LCOR: variants seen among roughly 807,000 people sequenced by gnomAD.
LCOR encodes ligand dependent nuclear receptor corepressor.
Under a neutral mutation model 64.4 loss-of-function variants are expected in LCOR, and 14 were observed. That is an observed-to-expected ratio of 0.22 (90% CI 0.14 to 0.34). LCOR has a LOEUF of 0.34. LCOR is among the 10% of genes least tolerant of loss of function. The pLI, the probability that LCOR is intolerant of heterozygous loss-of-function variation, is 1.00. For synonymous variants in LCOR, 643 were observed against 642.5 expected, an observed-to-expected ratio of 1.00 and a Z score of -0.01; for missense variants, 1,686 against 1,765.3, an observed-to-expected ratio of 0.96 and a Z score of 0.80.
At chr10:96,971,795 G>A (rs1230625914) in intron 7 of LCOR, among the ~76,000 whole-genome samples, 1 of 152,196 alleles carries the variant, frequency 6.6e-6, no homozygotes, top group Non-Finnish European at 1.5e-5. Flanking sequence ...ACTGGATGGT[G>A]TATTGGAGGC....
intron 6 of LCOR, among the ~76,000 whole-genome samples, chr10:96,949,503 T>G (rs144102057): frequency 9.4e-4 from 143 of 152,352 alleles, no homozygotes; most frequent in African/African-American, 3.1e-3. Flanking sequence ...TCATGATTGA[T>G]GTACCACTCA....
At chr10:96,929,448 T>C (rs1847220076) in intron 4 of LCOR, among the ~76,000 whole-genome samples, 1 of 152,242 alleles carries the variant, frequency 6.6e-6, no homozygotes, top group Non-Finnish European at 1.5e-5. Context: ...GCTTTTCTTC[T>C]GCAGCTTCCT....
chr10:96,833,964 T>TA (rs1845395627), intron 2 of LCOR, among the ~76,000 whole-genome samples: 1 of 152,214 alleles, frequency 6.6e-6, no homozygotes. Context: ...AGCACTTGGT[T>TA]AGCTCAGTGT....
At position 96,916,274 on chromosome 10, in the gene LCOR, G is replaced by T. The variant is rs549838355; in HGVS notation, c.-184+8527G>T. Among the ~76,000 whole-genome samples, 3 of 151,986 alleles carry T rather than the reference G, an allele frequency of 2.0e-5. No individual in the cohort carries two copies. The South Asian group carries it at 6.2e-4, about 32-fold the overall frequency. ...TCTCAGTCTCCTGACCTCGTGATCC[G>T]CCCACCTCGGCCTCCCAAAGTGCTG... On this transcript the variant is annotated intron_variant, in intron 4 of 7. Transcript: ENST00000421806.
At chr10:96,966,182 C>A (rs1304375725) in intron 7 of LCOR, among the ~76,000 whole-genome samples, 1 of 132,724 alleles carries the variant, frequency 7.5e-6, no homozygotes, top group African/African-American at 3.1e-5. Context: ...TTTTTTTTTG[C>A]CATATCCTGA....
chr10:96,949,301 G>A lies in LCOR; in HGVS notation c.238+6G>A, dbSNP rs1847637744. On this transcript the variant is annotated splice_donor_region_variant and intron_variant, in intron 6 of 7. Transcript: ENST00000421806. ...GTCAGAACCTAGCGAACAAGGTATG[G>A]TTTGATGTCAAGGTCTCCTCTATCT... 6.2e-6 allele frequency: 10 copies of A among 1,613,510 alleles called. No homozygotes were observed. Among genetic ancestry groups the A allele is most frequent in the Non-Finnish European group, 8.5e-6 (10 of 1,179,608 alleles).
At chr10:96,869,834 C>T (rs1356022770) in intron 2 of LCOR, among the ~76,000 whole-genome samples, 2 of 152,240 alleles carry the variant, frequency 1.3e-5, no homozygotes, top group Admixed American at 1.3e-4. Flanking sequence ...CTTGGCCTCC[C>T]AGAGTGCTGG....
At chr10:96,898,326 T>G (rs911879519) in intron 2 of LCOR, among the ~76,000 whole-genome samples, 38 of 152,156 alleles carry the variant, frequency 2.5e-4, no homozygotes, top group African/African-American at 8.4e-4. Context: ...CAGTATGTGT[T>G]GTGACTGATC....
At chr10:96,854,758 A>C (rs1845775350) in intron 2 of LCOR, among the ~76,000 whole-genome samples, 1 of 152,214 alleles carries the variant, frequency 6.6e-6, no homozygotes, top group Non-Finnish European at 1.5e-5. Context: ...AGACTAGAAA[A>C]ATAATTCACA....
At chr10:96,970,624 A>ATTTTATTTTATT (rs1181172810) in intron 7 of LCOR, among the ~76,000 whole-genome samples, 1 of 129,288 alleles carries the variant, frequency 7.7e-6, no homozygotes, top group Non-Finnish European at 1.7e-5. Flanking sequence ...ATTTTATTTT[A>ATTTTATTTTATT]TTTATTTTAT....
At chr10:96,886,231 A>C (rs1051512890) in intron 2 of LCOR, among the ~76,000 whole-genome samples, 1 of 152,148 alleles carries the variant, frequency 6.6e-6, no homozygotes. Flanking sequence ...GTTGAAGTGC[A>C]CTCAGAACTT....
At chr10:96,967,828 G>A (rs947385712) in intron 7 of LCOR, among the ~76,000 whole-genome samples, 4 of 152,124 alleles carry the variant, frequency 2.6e-5, no homozygotes, top group Admixed American at 6.5e-5. Context: ...GTCACTTTAA[G>A]TTATTCATAA....
chr10:96,833,437 G>A lies in LCOR; in HGVS notation c.-372G>A. 3.0e-6 allele frequency: 3 copies of A among 986,086 alleles called. No individual in the cohort carries two copies. Among genetic ancestry groups the A allele is most frequent in the Non-Finnish European group, 3.6e-6 (3 of 830,122 alleles). The allele number at this position is 986,086 out of a possible 1,614,324, so 61.1% of individuals were successfully genotyped here. ...TTTCCCTCTGTGCGGCGGCCGGCGG[G>A]ACCATAAGGGCTTAACTCATATATT... On this transcript the variant is annotated 5_prime_UTR_variant, in exon 2 of 8. Transcript: ENST00000421806.
chr10:96,970,377 A>G (rs1847988190), intron 7 of LCOR, among the ~76,000 whole-genome samples: 1 of 152,086 alleles, frequency 6.6e-6, no homozygotes. Context: ...AGCTTGGGCT[A>G]CAGACTGAGA....
chr10:96,902,941 A>G (rs558231779), intron 2 of LCOR, among the ~76,000 whole-genome samples: 120 of 152,320 alleles, frequency 7.9e-4, no homozygotes, highest in Non-Finnish European at 1.3e-3. Flanking sequence ...ATAGCCTACT[A>G]CATACCTAGG....
chr10:96,849,114 C>T (rs1393882536), intron 2 of LCOR, among the ~76,000 whole-genome samples: 3 of 129,192 alleles, frequency 2.3e-5, no homozygotes, highest in Non-Finnish European at 4.6e-5. Context: ...CCCTCTATAG[C>T]CGAGGCTGGA....
intron 2 of LCOR, among the ~76,000 whole-genome samples, chr10:96,842,390 C>G (rs956553990): frequency 2.0e-5 from 3 of 151,934 alleles, no homozygotes; most frequent in Non-Finnish European, 4.4e-5. Context: ...AAGGCTCAAT[C>G]TCAAAATACA....
intron 2 of LCOR, among the ~76,000 whole-genome samples, chr10:96,876,785 G>C (rs2134413525): frequency 6.6e-6 from 1 of 152,180 alleles, no homozygotes; most frequent in East Asian, 1.9e-4. Flanking sequence ...CGCCTCCCGG[G>C]TTCAGTGATT....
chr10:96,906,399 C>T (rs1846728366), intron 2 of LCOR, among the ~76,000 whole-genome samples: 1 of 152,184 alleles, frequency 6.6e-6, no homozygotes, highest in Non-Finnish European at 1.5e-5. Context: ...TTGGGAACCA[C>T]TGCTTTAATC....
Sources: allele counts gnomAD v4.1 joint callset (sites outside exome capture counted in the v4.1 genomes callset), GRCh38; gene constraint gnomAD v4.1.1; transcripts MANE v1.5; gene names NCBI Gene and HGNC (gene_info 2026-07-23, HGNC 2026-07-21).